The following DDX23 variants were observed in gnomAD, a reference collection of about 807,000 sequenced individuals.
DDX23 encodes probable ATP-dependent RNA helicase DDX23.
DDX23 carries 33 observed loss-of-function variants against 102.7 expected under a neutral mutation model. That is an observed-to-expected ratio of 0.32 (90% CI 0.24 to 0.43). DDX23 has a LOEUF of 0.43. Among genes scored for constraint, DDX23 ranks in the 20% least tolerant of loss-of-function variants. DDX23 has a pLI of 1.00. For synonymous variants in DDX23, 352 were observed against 376.0 expected, an observed-to-expected ratio of 0.94 and a Z score of 0.74; for missense variants, 549 against 1,086.6, an observed-to-expected ratio of 0.51 and a Z score of 6.96.
chr12:48,841,404 T>C (rs1309660558), intron 3 of DDX23, among the ~76,000 whole-genome samples: 1 of 151,768 alleles, frequency 6.6e-6, no homozygotes, highest in African/African-American at 2.4e-5. Context: ...CCCCCAAAGA[T>C]TCAGAGAAGA....
At chr12:48,838,223 G>A in intron 5 of DDX23, 143 bp from the exon 6 acceptor site, 1 of 1,203,932 alleles carries the variant, frequency 8.3e-7, no homozygotes. Flanking sequence ...CTTGGACTCG[G>A]TTATGGACTG....
At chr12:48,841,154 G>T (rs189705866) in intron 3 of DDX23, among the ~76,000 whole-genome samples, 13 of 152,152 alleles carry the variant, frequency 8.5e-5, no homozygotes, top group Non-Finnish European at 8.8e-5. Context: ...GAGAGGCCGA[G>T]GTGGCCGGAT....
chr12:48,851,163 G>A (rs1938751189), intron 1 of DDX23, among the ~76,000 whole-genome samples: 1 of 152,202 alleles, frequency 6.6e-6, no homozygotes, highest in African/African-American at 2.4e-5. Context: ...CTGTTCACAG[G>A]AAGTGTTTAG....
chr12:48,838,029 G>C lies in DDX23; in HGVS notation c.532C>G (p.Gln178Glu). 1 of 1,614,188 alleles carries C rather than the reference G, an allele frequency of 6.2e-7. No individual in the cohort carries two copies. The highest frequency in any genetic ancestry group is 1.7e-5 in the Admixed American group (1 of 60,020). Residue 178 changes from glutamine to glutamate, a missense_variant, in exon 6 of 17, where the codon CAG becomes GAG. Around this residue, in one of 4 missense-constraint regions of DDX23, gnomAD observed 241 missense variants for 267.0 expected, o/e 0.90. Transcript: ENST00000308025. ...CTCTGCCGCTCTTCCACCTCCTGCT[G>C]CCGTCGCTTTAGAGCTTCAGCCTCT... The part of the protein sequence containing the change: ...EREAEALKRR[Q>E]QEVEERQRML...
Position 48,832,241 on chromosome 12 carries a change from T to C in DDX23, c.1956-55A>G, listed in dbSNP as rs2270578. ...ATAATACCTCCCACTCCAAGTGAAA[T>C]GCCCAACCCTCATCTATGAACACTA... On this transcript the variant is annotated intron_variant, in intron 14 of 16. Transcript: ENST00000308025. This position sits in a 1 kb window ranked among gnomAD's most constrained non-coding sequence, Gnocchi z 4.4. 9.7e-4 allele frequency: 1,547 copies of C among 1,594,178 alleles called. 17 individuals are homozygous for C. The East Asian group carries it at 0.028, about 29-fold the overall frequency.
chr12:48,840,148 G>A (rs747375238), intron 3 of DDX23, 42 bp from the exon 4 acceptor site: 2 of 1,494,514 alleles, frequency 1.3e-6, no homozygotes, highest in Non-Finnish European at 1.9e-6. Flanking sequence ...TCTTACTTCA[G>A]TGCCTGGATG....
intron 3 of DDX23, among the ~76,000 whole-genome samples, chr12:48,841,067 C>A (rs1938542367): frequency 6.6e-6 from 1 of 152,110 alleles, no homozygotes; most frequent in African/African-American, 2.4e-5. Context: ...TGAATTCTAA[C>A]CTATACTTTC....
At chr12:48,844,693 G>A (rs375545226) in intron 2 of DDX23, among the ~76,000 whole-genome samples, 58 of 144,988 alleles carry the variant, frequency 4.0e-4, no homozygotes, top group African/African-American at 1.4e-3. Context: ...GGATGGTCTC[G>A]ATCTCCTGAC....
At chr12:48,835,334 A>T in intron 11 of DDX23, 1 of 154,540 alleles carries the variant, frequency 6.5e-6, no homozygotes, top group South Asian at 1.9e-4. Context: ...GCACTTTGGG[A>T]GGCCAAGGCA....
chr12:48,848,100 AG>A lies in DDX23; in HGVS notation c.1-2319del, dbSNP rs758560786. Among the ~76,000 whole-genome samples, 268 of 152,276 alleles carry A rather than the reference AG, an allele frequency of 1.8e-3. 2 individuals are homozygous for A. The highest frequency in any genetic ancestry group is 9.3e-3 in the East Asian group (48 of 5,166). On this transcript the variant is annotated intron_variant, in intron 1 of 16. Coordinates refer to ENST00000308025, the MANE Select transcript of DDX23 (RefSeq NM_004818.3). ...GGAGATCAAGACCATCCTGGCTAAC[AG>A]GGTGAAACCCCGTCTCCACTAAAAA...
Position 48,839,811 on chromosome 12 carries a change from T to A in DDX23, c.480+33A>T, listed in dbSNP as rs765983954. ...TCTGTGGTATTGTGTTATGGCAGCC[T>A]GAGCCGATGAATGAAGACCCTCAAG... On this transcript the variant is annotated intron_variant, in intron 5 of 16. Coordinates refer to ENST00000308025, the MANE Select transcript of DDX23 (RefSeq NM_004818.3). The A allele has an allele frequency of 1.3e-5, 21 of 1,610,676 alleles. No homozygotes were observed. The East Asian group carries it at 4.7e-4, about 36-fold the overall frequency.
chr12:48,840,362 C>A (rs767869923), intron 3 of DDX23, among the ~76,000 whole-genome samples: 5 of 152,066 alleles, frequency 3.3e-5, no homozygotes, highest in Non-Finnish European at 7.4e-5. Context: ...TGGGACTTTA[C>A]TACTGATGTC....
At chr12:48,840,610 T>C (rs1938534688) in intron 3 of DDX23, among the ~76,000 whole-genome samples, 1 of 150,286 alleles carries the variant, frequency 6.7e-6, no homozygotes, top group Non-Finnish European at 1.5e-5. Context: ...TGGAGTGCAA[T>C]GGTGTGATCT....
At chr12:48,848,487 C>T (rs1938706099) in intron 1 of DDX23, among the ~76,000 whole-genome samples, 2 of 152,100 alleles carry the variant, frequency 1.3e-5, no homozygotes, top group South Asian at 4.1e-4. Context: ...TAAGCTGAGA[C>T]TTGAATGATG....
rs554046347 is a variant in DDX23, at chr12:48,846,610, A to G, written c.1-828T>C. On this transcript the variant is annotated intron_variant, in intron 1 of 16. Coordinates refer to ENST00000308025, the MANE Select transcript of DDX23 (RefSeq NM_004818.3). ...CTTTTACTCAGATTAAAAGAAATGTACCTCTAATTATGCAATGGGAAGAAC... is the reference window on the plus strand; with the variant it reads ...CTTTTACTCAGATTAAAAGAAATGTGCCTCTAATTATGCAATGGGAAGAAC... Among the ~76,000 whole-genome samples, 9 of 152,336 alleles carry G rather than the reference A, an allele frequency of 5.9e-5. No homozygotes were observed. In the East Asian group the frequency reaches 1.5e-3, roughly 26 times the overall value.
At chr12:48,842,874 A>G (rs1017347011) in intron 3 of DDX23, among the ~76,000 whole-genome samples, 1 of 152,106 alleles carries the variant, frequency 6.6e-6, no homozygotes, top group Non-Finnish European at 1.5e-5. Flanking sequence ...AGGTGGGGAA[A>G]AGATTGAGAA....
chr12:48,846,888 T>G (rs931182913), intron 1 of DDX23, among the ~76,000 whole-genome samples: 4 of 152,144 alleles, frequency 2.6e-5, no homozygotes, highest in African/African-American at 9.7e-5. Context: ...CAACTCTTCT[T>G]TGGGCTATGA....
At chr12:48,845,191 C>T (rs1304760373) in intron 2 of DDX23, among the ~76,000 whole-genome samples, 2 of 149,818 alleles carry the variant, frequency 1.3e-5, no homozygotes, top group Non-Finnish European at 3.0e-5. Flanking sequence ...CGGTGGCTCA[C>T]GCCTATAATC....
Position 48,836,861 on chromosome 12 carries a change from C to A in DDX23, c.1010+33G>T. On this transcript the variant is annotated intron_variant, in intron 9 of 16. Coordinates refer to ENST00000308025, the MANE Select transcript of DDX23 (RefSeq NM_004818.3). The surrounding 1 kb of genome is among the most constrained non-coding windows in gnomAD (Gnocchi z 6.1). ...AACTCCTTTCTGTAGAGCCTCTGGG[C>A]TCTGTCCAGCCACCCTAGCCTTGAT... The A allele has an allele frequency of 6.2e-7, 1 of 1,613,872 alleles. No individual in the cohort carries two copies. The highest frequency in any genetic ancestry group is 2.2e-5 in the East Asian group (1 of 44,872).
Sources: gnomAD v4.1 joint callset for allele counts (sites outside exome capture counted in the v4.1 genomes callset) on GRCh38, gnomAD v4.1.1 for gene constraint, gnomAD v4.1.1 regional missense constraint, Gnocchi (gnomAD v3.1) non-coding constraint, MANE v1.5 for transcripts, NCBI Gene and HGNC (gene_info 2026-07-23, HGNC 2026-07-21) for gene names.